Variants in ECRG4 observed in about 807,000 individuals in gnomAD.
ECRG4 encodes the protein ECRG4 augurin precursor.
Under a neutral mutation model 15.8 loss-of-function variants are expected in ECRG4, and 18 were observed. That is an observed-to-expected ratio of 1.14 (90% CI 0.79 to 1.69). The LOEUF is 1.69. Ranked by LOEUF, ECRG4 falls within the 40% of genes most tolerant of loss-of-function variation. The pLI, the probability that ECRG4 is intolerant of heterozygous loss-of-function variation, is 0.00. For missense variants in ECRG4, 200 were observed against 190.9 expected, an observed-to-expected ratio of 1.05 and a Z score of -0.28; for synonymous variants, 82 against 73.9, an observed-to-expected ratio of 1.11 and a Z score of -0.56.
At position 106,066,392 on chromosome 2, in the gene ECRG4, G is replaced by T. The variant is rs977909155; in HGVS notation, c.79+549G>T. On this transcript the variant is annotated intron_variant, in intron 1 of 3. Coordinates refer to ENST00000238044, the MANE Select transcript of ECRG4 (RefSeq NM_032411.3). ...TGCTTCGTGGAGCTCCCAGCGAATC[G>T]GTTGAAAACTCTGAAATTCTCTGCT... Among the ~76,000 whole-genome samples, 8 of 152,168 alleles carry T rather than the reference G, an allele frequency of 5.3e-5. No individual in the cohort carries two copies. In the East Asian group the frequency reaches 1.3e-3, roughly 26 times the overall value.
chr2:106,077,597 GCTGA>G (rs1676512636), intron 3 of ECRG4, among the ~76,000 whole-genome samples, 164 bp from the exon 4 acceptor site: 1 of 152,222 alleles, frequency 6.6e-6, no homozygotes, highest in South Asian at 2.1e-4. Context: ...AGTGAATACT[GCTGA>G]CTGTTTTGGC....
intron 1 of ECRG4, among the ~76,000 whole-genome samples, chr2:106,067,063 G>GC (rs550120812): frequency 0.037 from 2,624 of 71,076 alleles, 548 homozygotes; most frequent in East Asian, 0.25. Flanking sequence ...GGAGGCCGGG[G>GC]GGGGGGGGGG....
In ECRG4 at chr2:106,069,228, CCTT is replaced by C. The variant is rs1443625148; in HGVS notation, c.80-2612_80-2610del. Among the ~76,000 whole-genome samples the C allele has an allele frequency of 3.6e-5, 5 of 137,910 alleles. No homozygotes were observed. In the East Asian group the frequency reaches 1.0e-3, roughly 29 times the overall value. 90.5% of individuals were successfully genotyped at this position (137,910 alleles called of 152,430 possible). On this transcript the variant is annotated intron_variant, in intron 1 of 3. Coordinates refer to ENST00000238044, the MANE Select transcript of ECRG4 (RefSeq NM_032411.3). ...TTTTATTTTCTTTTCTTTCTTCTTTCCTTCTTTCTTTTCTTTCTTTCTTCTTTC... is the reference window on the plus strand; with the variant it reads ...TTTTATTTTCTTTTCTTTCTTCTTTCCTTTCTTTTCTTTCTTTCTTCTTTC...
In ECRG4 at chr2:106,077,878, C is replaced by G; in HGVS notation, c.399C>G (p.Ser133Arg). 1.2e-6 allele frequency: 2 copies of G among 1,614,178 alleles called. No individual in the cohort carries two copies. The highest frequency in any genetic ancestry group is 2.2e-5 in the East Asian group (1 of 44,858). The part of the protein sequence containing the change: ...YDEDSAIGPR[S>R]PYGFRHGASV... Reference sequence around the variant, plus strand: ...AAGACTCTGCAATTGGTCCCCGGAGCCCCTACGGCTTTAGGCATGGAGCCA... The same window carrying G: ...AAGACTCTGCAATTGGTCCCCGGAGGCCCTACGGCTTTAGGCATGGAGCCA... Residue 133 changes from serine to arginine, a missense_variant, in exon 4 of 4, where the codon AGC (serine) becomes AGG (arginine). Ser to Arg is a moderately radical substitution (Grantham distance 110). Coordinates refer to ENST00000238044, the MANE Select transcript of ECRG4 (RefSeq NM_032411.3).
chr2:106,071,558 G>A (rs13399584), intron 1 of ECRG4, among the ~76,000 whole-genome samples: 217 of 152,214 alleles, frequency 1.4e-3, no homozygotes, highest in African/African-American at 5.1e-3. Context: ...AGATGGCTGC[G>A]CCTCGTAGTA....
At chr2:106,064,114 A>C (rs1357112604), upstream of ECRG4, among the ~76,000 whole-genome samples, 1 of 152,216 alleles carries the variant, frequency 6.6e-6, no homozygotes, top group Non-Finnish European at 1.5e-5. Flanking sequence ...TAAAACTCCT[A>C]TCCCCTATTC....
chr2:106,070,688 T>C (rs986929279), intron 1 of ECRG4: 1 of 208,516 alleles, frequency 4.8e-6, no homozygotes, highest in Non-Finnish European at 1.0e-5. Flanking sequence ...TTAATTTTAT[T>C]TGGGTCACAG....
chr2:106,074,343 G>A, intron 3 of ECRG4: 1 of 297,858 alleles, frequency 3.4e-6, no homozygotes. Context: ...TTTTAACTTG[G>A]CTGAACAGTT....
chr2:106,068,850 A>C (rs1676279347), intron 1 of ECRG4, among the ~76,000 whole-genome samples: 1 of 152,216 alleles, frequency 6.6e-6, no homozygotes, highest in South Asian at 2.1e-4. Context: ...GTAGAGCGTT[A>C]AACAGTAGTC....
chr2:106,074,091 G>T lies in ECRG4; in HGVS notation c.285+48G>T, dbSNP rs752560819. 4 of 1,599,444 alleles carry T rather than the reference G, an allele frequency of 2.5e-6. No homozygotes were observed. The East Asian group carries it at 9.0e-5, about 36-fold the overall frequency. ...GGCCTGGCTTCCACAGGGAAGGGTGGCAGGGAGGAGGCCTGGCTCGGGGAA... is the reference window on the plus strand; with the variant it reads ...GGCCTGGCTTCCACAGGGAAGGGTGTCAGGGAGGAGGCCTGGCTCGGGGAA... On this transcript the variant is annotated intron_variant, in intron 3 of 3. Transcript: ENST00000238044.
intron 2 of ECRG4, among the ~76,000 whole-genome samples, chr2:106,073,004 T>TAAAC (rs927426690): frequency 6.6e-6 from 1 of 152,126 alleles, no homozygotes; most frequent in African/African-American, 2.4e-5. Flanking sequence ...CAAGGGATTG[T>TAAAC]AAACAAACAA....
intron 1 of ECRG4, among the ~76,000 whole-genome samples, chr2:106,066,074 G>A (rs1329220598): frequency 1.3e-5 from 2 of 152,228 alleles, no homozygotes; most frequent in African/African-American, 2.4e-5. Flanking sequence ...TCAAGGGGAG[G>A]GTCTCAGATC....
chr2:106,066,049 G>A (rs996854663), intron 1 of ECRG4, among the ~76,000 whole-genome samples: 1 of 152,366 alleles, frequency 6.6e-6, no homozygotes. Flanking sequence ...TGTGAGGGTG[G>A]AGAGAGTACC....
upstream of ECRG4, chr2:106,065,628 C>T (rs1051391122): frequency 3.4e-6 from 2 of 581,904 alleles, no homozygotes; most frequent in Non-Finnish European, 5.3e-6. Context: ...GGCGCCCACC[C>T]GCTGGGTCCC....
At chr2:106,069,090 CCCTTCCTT>C (rs144429248) in intron 1 of ECRG4, among the ~76,000 whole-genome samples, 5 of 149,994 alleles carry the variant, frequency 3.3e-5, no homozygotes, top group African/African-American at 4.9e-5. Flanking sequence ...TTTCCTTCCT[CCCTTCCTT>C]CCTTCCTTCC....
rs200768761 is a variant in ECRG4 at position 106,073,958 on chromosome 2, G to T, written c.200G>T (p.Arg67Leu). The T allele has an allele frequency of 2.7e-5, 44 of 1,614,088 alleles. No individual in the cohort carries two copies. The highest frequency in any genetic ancestry group is 3.1e-5 in the Non-Finnish European group (36 of 1,180,050). ...KAKEFLGSLKRQKRQLWDRTR... is the reference protein window; with the variant it reads ...KAKEFLGSLKLQKRQLWDRTR... ...AAAGAATTCCTTGGCAGCCTGAAGCGCCAGAAGCGGCAGCTGTGGGACCGG... is the reference window on the plus strand; with the variant it reads ...AAAGAATTCCTTGGCAGCCTGAAGCTCCAGAAGCGGCAGCTGTGGGACCGG... Residue 67 changes from arginine to leucine, a missense_variant, in exon 3 of 4, where the codon CGC becomes CTC. Coordinates refer to ENST00000238044, the MANE Select transcript of ECRG4 (RefSeq NM_032411.3).
intron 1 of ECRG4, among the ~76,000 whole-genome samples, chr2:106,071,380 A>AT (rs1362063255): frequency 1.3e-5 from 2 of 151,452 alleles, no homozygotes; most frequent in African/African-American, 4.8e-5. Flanking sequence ...AGAAAATAAA[A>AT]AAAAAATAAA....
upstream of ECRG4, chr2:106,063,298 T>G (rs1457890365): frequency 2.0e-5 from 3 of 152,214 alleles, no homozygotes; most frequent in South Asian, 2.1e-4. Context: ...ACACCAAATC[T>G]GCTGGGGCCT....
chr2:106,072,793 C>T (rs1676399148), intron 2 of ECRG4, among the ~76,000 whole-genome samples: 1 of 152,218 alleles, frequency 6.6e-6, no homozygotes, highest in African/African-American at 2.4e-5. Flanking sequence ...AGGGCCCCCT[C>T]CCTGTGCTGT....
Sources: gnomAD v4.1 joint callset for allele counts (sites outside exome capture counted in the v4.1 genomes callset) on GRCh38, gnomAD v4.1.1 for gene constraint, MANE v1.5 for transcripts, NCBI Gene and HGNC (gene_info 2026-07-23, HGNC 2026-07-21) for gene names.